SLC35D4: variants seen among roughly 807,000 people sequenced by gnomAD.
The protein encoded by SLC35D4 is UDP-N-acetylglucosamine transporter SLC35D4.
At chr18:23,428,843 A>G in the SLC35D4 span, among the ~76,000 whole-genome samples, 1 of 152,068 alleles carries the variant, frequency 6.6e-6, no homozygotes, top group Admixed American at 6.6e-5. Context: ...CTCTCTCCCT[A>G]ACTCTCCCCT....
chr18:23,262,745 G>A, the SLC35D4 span, among the ~76,000 whole-genome samples: 1 of 152,242 alleles, frequency 6.6e-6, no homozygotes, highest in East Asian at 1.9e-4. Flanking sequence ...TTGGAAATCA[G>A]TGCTCAGGAA....
chr18:23,366,412 G>A, the SLC35D4 span, among the ~76,000 whole-genome samples: 353 of 152,312 alleles, frequency 2.3e-3, 2 homozygotes, highest in Non-Finnish European at 4.2e-3. Context: ...TCAAATTAGA[G>A]AATTAGGAAT....
chr18:23,374,352 A>C, the SLC35D4 span, among the ~76,000 whole-genome samples: 1 of 152,208 alleles, frequency 6.6e-6, no homozygotes, highest in African/African-American at 2.4e-5. Context: ...ACGAGGAAAC[A>C]CTGAGACAAA....
chr18:23,432,656 A>G, the SLC35D4 span, among the ~76,000 whole-genome samples: 1 of 146,508 alleles, frequency 6.8e-6, no homozygotes. Context: ...ACTCCAGCCT[A>G]GGAGACAGAG....
chr18:23,368,960 A>C, the SLC35D4 span, among the ~76,000 whole-genome samples: 2 of 152,234 alleles, frequency 1.3e-5, no homozygotes, highest in African/African-American at 4.8e-5. Flanking sequence ...ACTGTTTCCC[A>C]CATGTACATT....
the SLC35D4 span, chr18:23,377,783 G>T: frequency 1.1e-6 from 1 of 914,412 alleles, no homozygotes; most frequent in Non-Finnish European, 1.5e-6. Context: ...TTTATCAAGA[G>T]CTTAACAGCT....
the SLC35D4 span, among the ~76,000 whole-genome samples, chr18:23,261,691 A>C: frequency 3.2e-3 from 482 of 152,326 alleles, 4 homozygotes; most frequent in African/African-American, 0.011. Context: ...ATACACTCAG[A>C]ACACTTTTGT....
At chr18:23,428,330 T>G in the SLC35D4 span, among the ~76,000 whole-genome samples, 14 of 152,038 alleles carry the variant, frequency 9.2e-5, no homozygotes, top group Non-Finnish European at 5.9e-5. Context: ...ATCTAAAAAA[T>G]TATACGACAA....
the SLC35D4 span, among the ~76,000 whole-genome samples, chr18:23,289,559 T>C: frequency 1.1e-4 from 16 of 152,134 alleles, no homozygotes; most frequent in Non-Finnish European, 1.9e-4. Context: ...ACATTGCCCA[T>C]TATCTCTCCA....
the SLC35D4 span, chr18:23,297,097 C>T: frequency 6.6e-6 from 1 of 152,214 alleles, no homozygotes; most frequent in Non-Finnish European, 1.5e-5. Flanking sequence ...TGAAACAAAA[C>T]ATACAACCAA....
At chr18:23,411,550 A>AAAGG in the SLC35D4 span, among the ~76,000 whole-genome samples, 102 of 149,788 alleles carry the variant, frequency 6.8e-4, no homozygotes, top group African/African-American at 2.4e-3. Context: ...AGAAAGAAAG[A>AAAGG]AAGGTGTGTG....
the SLC35D4 span, among the ~76,000 whole-genome samples, chr18:23,281,455 T>C: frequency 3.3e-5 from 5 of 152,160 alleles, no homozygotes; most frequent in Admixed American, 1.3e-4. Context: ...CCCAAATAGC[T>C]GGGACCACAG....
At chr18:23,375,535 C>G in the SLC35D4 span, among the ~76,000 whole-genome samples, 1 of 152,120 alleles carries the variant, frequency 6.6e-6, no homozygotes, top group African/African-American at 2.4e-5. Context: ...ATTCTTGCAA[C>G]TTTTCTGTAG....
the SLC35D4 span, among the ~76,000 whole-genome samples, chr18:23,243,468 G>GTTTTTTTTTTTTT: frequency 2.0e-5 from 2 of 101,878 alleles, no homozygotes; most frequent in African/African-American, 3.6e-5. Context: ...TGGGTTTGGT[G>GTTTTTTTTTTTTT]TTTTTTTTTT....
chr18:23,286,637 C>CT, the SLC35D4 span, among the ~76,000 whole-genome samples: 1 of 151,948 alleles, frequency 6.6e-6, no homozygotes, highest in Non-Finnish European at 1.5e-5. Context: ...AATATGGAGG[C>CT]TACCCACTCC....
the SLC35D4 span, chr18:23,310,310 G>GC: frequency 1.0e-6 from 1 of 977,264 alleles, no homozygotes; most frequent in Non-Finnish European, 1.2e-6. Flanking sequence ...TTAATTATTT[G>GC]CAAATATCTA....
the SLC35D4 span, among the ~76,000 whole-genome samples, chr18:23,404,622 G>C: frequency 6.6e-6 from 1 of 150,740 alleles, no homozygotes; most frequent in South Asian, 2.1e-4. Flanking sequence ...GGGCCGAGTA[G>C]AGGTTTCAGT....
chr18:23,277,506 G>C, the SLC35D4 span, among the ~76,000 whole-genome samples: 21 of 152,270 alleles, frequency 1.4e-4, no homozygotes, highest in Admixed American at 4.6e-4. Context: ...GACTAATACA[G>C]ATGGCCTTGG....
At chr18:23,329,672 G>A in the SLC35D4 span, among the ~76,000 whole-genome samples, 1 of 152,188 alleles carries the variant, frequency 6.6e-6, no homozygotes, top group Non-Finnish European at 1.5e-5. Context: ...TCTAGAATTA[G>A]AATTACCATT....
Sources: allele counts gnomAD v4.1 joint callset (sites outside exome capture counted in the v4.1 genomes callset), GRCh38; gene constraint gnomAD v4.1.1; transcripts MANE v1.5; gene names NCBI Gene and HGNC (gene_info 2026-07-23, HGNC 2026-07-21).